Variants in CYGB observed in about 807,000 individuals in gnomAD.
CYGB encodes the protein cytoglobin.
CYGB carries 13 observed loss-of-function variants against 20.7 expected under a neutral mutation model. The observed-to-expected ratio is 0.63, with a 90% confidence interval of 0.41 to 1.00. The LOEUF is 1.00. CYGB is among the 50% of genes least tolerant of loss of function. The probability of loss-of-function intolerance (pLI) is 0.00; values close to 1 mark genes in which losing one functional copy is unlikely to be tolerated. For missense variants in CYGB, 218 were observed against 257.2 expected (o/e 0.85, Z 1.04); for synonymous variants, 93 against 107.4 (o/e 0.87, Z 0.83).
At chr17:76,539,413 T>C (rs1389503545), upstream of CYGB, among the ~76,000 whole-genome samples, 29 of 152,248 alleles carry the variant, frequency 1.9e-4, no homozygotes. Context: ...ACCTGTCTAT[T>C]TTGTGAGTGC....
chr17:76,538,566 A>G (rs1335672748), upstream of CYGB: 2 of 464,214 alleles, frequency 4.3e-6, no homozygotes, highest in African/African-American at 2.0e-5. Flanking sequence ...AAGTCCAGAG[A>G]GGCACCGGAT....
At chr17:76,548,275 TACATACACACAGAGAG>T (rs2075075889) in intron 1 of CYGB, among the ~76,000 whole-genome samples, 1 of 151,934 alleles carries the variant, frequency 6.6e-6, no homozygotes, top group South Asian at 2.1e-4. Flanking sequence ...CACATAAACA[TACATACACACAGAGAG>T]ACATACACAT....
rs116707366 is a variant in CYGB, at chr17:76,530,181, G to A, written c.539+798C>T. On this transcript the variant is annotated intron_variant, in intron 3 of 3. Coordinates refer to ENST00000293230, the MANE Select transcript of CYGB (RefSeq NM_134268.5). This position sits in a 1 kb window ranked among gnomAD's most constrained non-coding sequence, Gnocchi z 6.1. ...TGGCTGACCTCTGCTTCCCATTCCC[G>A]CCTCCGCTCCTCTCCTCCTTCCTAC... 2.4e-3 allele frequency among the ~76,000 whole-genome samples: 368 copies of A among 152,168 alleles called. 2 individuals are homozygous for A. The highest frequency in any genetic ancestry group is 8.1e-3 in the African/African-American group (336 of 41,504).
intron 1 of CYGB, among the ~76,000 whole-genome samples, chr17:76,549,174 G>C (rs1316896000): frequency 3.3e-5 from 5 of 152,222 alleles, no homozygotes; most frequent in Non-Finnish European, 5.9e-5. Flanking sequence ...AAGACTAGGA[G>C]TAAATATTTG....
Position 76,548,435 on chromosome 17 carries a change from A to G in CYGB, c.-53+2427T>C, listed in dbSNP as rs763177935. ...ACCTGCAATGTACAAACCCTGTATC[A>G]GGTGTCAGGAGTGACACTCGAGGAG... On this transcript the variant is annotated intron_variant, in intron 1 of 3. Transcript: ENST00000589145. Among the ~76,000 whole-genome samples the G allele has an allele frequency of 2.0e-4, 31 of 152,268 alleles. 1 individual carries two copies. Among genetic ancestry groups the G allele is most frequent in the Non-Finnish European group, 3.8e-4 (26 of 68,048 alleles).
At position 76,527,531 on chromosome 17, in the gene CYGB, C is replaced by G. The variant is rs892663179; in HGVS notation, c.*1047G>C. On this transcript the variant is annotated 3_prime_UTR_variant, in exon 4 of 4. Transcript: ENST00000293230. The stretch of plus-strand genomic sequence containing the variant: ...CAGCAAAACATCCTTGAAGACGACA[C>G]ACGTGACCAAGGGGCACACACGGGG... The G allele has an allele frequency of 4.6e-6, 2 of 439,356 alleles. No homozygotes were observed. Among genetic ancestry groups the G allele is most frequent in the African/African-American group, 4.0e-5 (2 of 49,540 alleles). 27.2% of individuals were successfully genotyped at this position (439,356 alleles called of 1,614,324 possible). A position where few individuals can be genotyped will look rare whatever the true frequency, so the allele number is the denominator to read the frequency against.
At chr17:76,542,681 C>G (rs1472481937), upstream of CYGB, 5 of 1,277,562 alleles carry the variant, frequency 3.9e-6, no homozygotes, top group Non-Finnish European at 4.6e-6. Context: ...AGGCTTGGGA[C>G]AGGCAGGAAG....
upstream of CYGB, chr17:76,540,249 GTCGGGGGGGGGGGGCA>G: frequency 1.4e-6 from 2 of 1,411,728 alleles, no homozygotes; most frequent in Non-Finnish European, 1.9e-6. This position sits in a 1 kb window ranked among gnomAD's most constrained non-coding sequence, Gnocchi z 5.0. Context: ...CTGGCGGTTG[GTCGGGGGGGGGGGGCA>G]TGGGGCTGGG....
In CYGB at chr17:76,530,066, C is replaced by T. The variant is rs748854184; in HGVS notation, c.539+913G>A. The T allele has an allele frequency of 8.2e-5, 81 of 985,338 alleles. No individual in the cohort carries two copies. In the South Asian group the frequency reaches 8.9e-4, roughly 11 times the overall value. 61.0% of individuals were successfully genotyped at this position (985,338 alleles called of 1,614,324 possible). A position where few individuals can be genotyped will look rare whatever the true frequency, so the allele number is the denominator to read the frequency against. The stretch of plus-strand genomic sequence containing the variant: ...CAGTCTTGGGGGCCCGTGCAGAGCC[C>T]GGCGGGAGACGCCGCCTTTTCCATG... On this transcript the variant is annotated intron_variant, in intron 3 of 3. Coordinates refer to ENST00000293230, the MANE Select transcript of CYGB (RefSeq NM_134268.5). This position sits in a 1 kb window ranked among gnomAD's most constrained non-coding sequence, Gnocchi z 6.1.
chr17:76,537,201 G>A (rs2074925881), intron 1 of CYGB, among the ~76,000 whole-genome samples, 199 bp downstream of exon 1: 1 of 152,192 alleles, frequency 6.6e-6, no homozygotes, highest in Admixed American at 6.5e-5. Flanking sequence ...GGTGAACACC[G>A]CGCCGGAGCC....
chr17:76,529,719 T>G (rs1598200815), intron 3 of CYGB: 1 of 984,938 alleles, frequency 1.0e-6, no homozygotes, highest in Non-Finnish European at 1.2e-6. Context: ...TGACAGCTGG[T>G]GGGGGGTGAG....
rs985203440 is a variant in CYGB, at chr17:76,531,311, T to A, written c.375+149A>T. 3 of 1,199,488 alleles carry A rather than the reference T, an allele frequency of 2.5e-6. No homozygotes were observed. In the African/African-American group the frequency reaches 4.6e-5, roughly 18 times the overall value. 74.3% of individuals were successfully genotyped at this position (1,199,488 alleles called of 1,614,324 possible). On this transcript the variant is annotated intron_variant, in intron 2 of 3. Coordinates refer to ENST00000293230, the MANE Select transcript of CYGB (RefSeq NM_134268.5). The surrounding 1 kb of genome is among the most constrained non-coding windows in gnomAD (Gnocchi z 7.4). ...CAAGGGTTGCCCTGGACCCAGCCCCTCCATCCTGCTGCCGGGCACTGCCCC... is the reference window on the plus strand; with the variant it reads ...CAAGGGTTGCCCTGGACCCAGCCCCACCATCCTGCTGCCGGGCACTGCCCC...
intron 3 of CYGB, chr17:76,529,860 C>T (rs2074813838): frequency 1.0e-6 from 1 of 985,170 alleles, no homozygotes; most frequent in Non-Finnish European, 1.2e-6. Flanking sequence ...TGGCTTGGCT[C>T]CAGCCAGCAG....
chr17:76,531,446 A>G lies in CYGB; in HGVS notation c.375+14T>C, dbSNP rs764069613. On this transcript the variant is annotated intron_variant, in intron 2 of 3. Coordinates refer to ENST00000293230, the MANE Select transcript of CYGB (RefSeq NM_134268.5). This position sits in a 1 kb window ranked among gnomAD's most constrained non-coding sequence, Gnocchi z 7.4. Reference sequence around the variant, plus strand: ...GTGGGCGGTGGGGGCTCTGCAGCAGATGGGGGCGCATACCTTGAAGTACAC... The same window carrying G: ...GTGGGCGGTGGGGGCTCTGCAGCAGGTGGGGGCGCATACCTTGAAGTACAC... 6.3e-7 allele frequency: 1 copy of G among 1,596,514 alleles called. No individual in the cohort carries two copies. Among genetic ancestry groups the G allele is most frequent in the Non-Finnish European group, 8.6e-7 (1 of 1,165,420 alleles).
At chr17:76,540,364 C>T (rs564510990), upstream of CYGB, 5 of 1,286,064 alleles carry the variant, frequency 3.9e-6, 1 homozygote, top group South Asian at 4.9e-5. This position sits in a 1 kb window ranked among gnomAD's most constrained non-coding sequence, Gnocchi z 5.0. Context: ...AGAGCACAGT[C>T]TCAGAGCAGG....
In CYGB at chr17:76,531,420, C is replaced by T. The variant is rs371523592; in HGVS notation, c.375+40G>A. The T allele has an allele frequency of 1.1e-4, 177 of 1,585,632 alleles. No individual in the cohort carries two copies. The highest frequency in any genetic ancestry group is 2.0e-4 in the East Asian group (9 of 44,226). ...CTGCGAGCTGCAGATGGCCATGACGCGTGGGCGGTGGGGGCTCTGCAGCAG... is the reference window on the plus strand; with the variant it reads ...CTGCGAGCTGCAGATGGCCATGACGTGTGGGCGGTGGGGGCTCTGCAGCAG... On this transcript the variant is annotated intron_variant, in intron 2 of 3. Transcript: ENST00000293230. This position sits in a 1 kb window ranked among gnomAD's most constrained non-coding sequence, Gnocchi z 7.4.
Position 76,528,290 on chromosome 17 carries a change from G to A in CYGB, c.*288C>T, listed in dbSNP as rs560413801. Reference sequence around the variant, plus strand: ...CCTAAGGGACTCCTAGACCTGTCCCGCTTCCTGCCAGCCGCTCAGCTAGGT... The same window carrying A: ...CCTAAGGGACTCCTAGACCTGTCCCACTTCCTGCCAGCCGCTCAGCTAGGT... On this transcript the variant is annotated 3_prime_UTR_variant, in exon 4 of 4. Transcript: ENST00000293230. This position sits in a 1 kb window ranked among gnomAD's most constrained non-coding sequence, Gnocchi z 5.8. 5.2e-5 allele frequency: 21 copies of A among 400,194 alleles called. No homozygotes were observed. In the South Asian group the frequency reaches 1.9e-3, roughly 37 times the overall value. The allele number at this position is 400,194 out of a possible 1,614,324, so 24.8% of individuals were successfully genotyped here.
chr17:76,531,203 A>G lies in CYGB; in HGVS notation c.376-61T>C. ...GGGCGCCCTGCGTCCTGCAACCCCC[A>G]GGCCCCTCCGCCCCACGTGTGGCCG... is the stretch of plus-strand genomic sequence containing the variant. On this transcript the variant is annotated intron_variant, in intron 2 of 3. Transcript: ENST00000293230. This position sits in a 1 kb window ranked among gnomAD's most constrained non-coding sequence, Gnocchi z 7.4. 1 of 1,539,952 alleles carries G rather than the reference A, an allele frequency of 6.5e-7. No individual in the cohort carries two copies. Among genetic ancestry groups the G allele is most frequent in the African/African-American group, 1.4e-5 (1 of 73,184 alleles).
upstream of CYGB, chr17:76,540,538 C>A (rs1255280818): frequency 5.0e-6 from 8 of 1,613,632 alleles, no homozygotes; most frequent in Non-Finnish European, 6.8e-6. This position sits in a 1 kb window ranked among gnomAD's most constrained non-coding sequence, Gnocchi z 5.0. Flanking sequence ...CAGCTAGGGG[C>A]AGCAGCTTGG....
Sources: gnomAD v4.1 joint callset for allele counts (sites outside exome capture counted in the v4.1 genomes callset) on GRCh38, gnomAD v4.1.1 for gene constraint, Gnocchi (gnomAD v3.1) non-coding constraint, MANE v1.5 for transcripts, NCBI Gene and HGNC (gene_info 2026-07-23, HGNC 2026-07-21) for gene names.